DOCK9: variants seen among roughly 807,000 people sequenced by gnomAD.
The protein encoded by DOCK9 is dedicator of cytokinesis 9.
In DOCK9, 89 loss-of-function variants were observed where a neutral mutation model predicts 263.3. The ratio of observed to expected loss-of-function variants is 0.34; its 90% CI spans 0.28 to 0.40. The LOEUF (loss-of-function observed/expected upper bound fraction) is 0.40, where lower values mean the gene tolerates loss of function less well. Among genes scored for constraint, DOCK9 ranks in the 10% least tolerant of loss-of-function variants. DOCK9 has a pLI of 1.00. For missense variants in DOCK9, 2,140 were observed against 2,603.4 expected, an observed-to-expected ratio of 0.82 and a Z score of 3.87; for synonymous variants, 976 against 973.1, an observed-to-expected ratio of 1.00 and a Z score of -0.06.
chr13:98,879,576 C>T (rs762108326), intron 27 of DOCK9, among the ~76,000 whole-genome samples: 14 of 152,136 alleles, frequency 9.2e-5, no homozygotes, highest in Non-Finnish European at 1.5e-4. Context: ...ACATATTTTT[C>T]TTTAGGTTAA....
In DOCK9 at chr13:99,080,796, T is replaced by C. The variant is rs182401793; in HGVS notation, c.129+5427A>G. Reference sequence around the variant, plus strand: ...CCATGGTGTGCCTTAGTACTGTTAGTCACCTTAGAGTAGGTGACTGACCCG... The same window carrying C: ...CCATGGTGTGCCTTAGTACTGTTAGCCACCTTAGAGTAGGTGACTGACCCG... On this transcript the variant is annotated intron_variant, in intron 1 of 32. Transcript: ENST00000427887. Among the ~76,000 whole-genome samples, 583 of 152,330 alleles carry C rather than the reference T, an allele frequency of 3.8e-3. 5 individuals are homozygous for C. Among genetic ancestry groups the C allele is most frequent in the Non-Finnish European group, 4.4e-3 (300 of 68,042 alleles).
chr13:98,928,327 T>G (rs900916002), intron 3 of DOCK9, among the ~76,000 whole-genome samples: 7 of 152,244 alleles, frequency 4.6e-5, no homozygotes, highest in Non-Finnish European at 1.0e-4. Flanking sequence ...TTTTGAAGTT[T>G]TTTTCTGCTT....
chr13:98,984,362 C>T lies in DOCK9; in HGVS notation c.130-28811G>A, dbSNP rs543914015. 3.9e-5 allele frequency among the ~76,000 whole-genome samples: 6 copies of T among 152,324 alleles called. 1 individual carries two copies. In the South Asian group the frequency reaches 1.2e-3, roughly 32 times the overall value. The stretch of plus-strand genomic sequence containing the variant: ...AGTCTACTCATTTGTTGACACAAGT[C>T]AGTAAATGGATCATTTGAAGCCTAA... On this transcript the variant is annotated intron_variant, in intron 1 of 32. Transcript: ENST00000427887.
At chr13:99,012,843 C>T (rs1041470555) in intron 1 of DOCK9, among the ~76,000 whole-genome samples, 1 of 152,144 alleles carries the variant, frequency 6.6e-6, no homozygotes, top group Non-Finnish European at 1.5e-5. Context: ...GAATGGTCAA[C>T]AGGCTCAGAG....
chr13:99,086,729 A>C, upstream of DOCK9: 1 of 145,164 alleles, frequency 6.9e-6, no homozygotes, highest in African/African-American at 2.5e-5. Flanking sequence ...GGGCGCCCGG[A>C]CGGCGGAGGA....
intron 1 of DOCK9, among the ~76,000 whole-genome samples, chr13:98,984,514 A>C (rs1400723096): frequency 3.3e-5 from 5 of 152,342 alleles, no homozygotes; most frequent in African/African-American, 1.2e-4. Flanking sequence ...CACACACACA[A>C]GACTAAAAAA....
intron 11 of DOCK9, 136 bp downstream of exon 11, chr13:98,902,836 C>T (rs997424821): frequency 6.6e-6 from 6 of 914,780 alleles, no homozygotes; most frequent in African/African-American, 5.0e-5. Context: ...GGCTAACAAC[C>T]TCCATATCCT....
At chr13:99,086,164 G>A (rs1182275966) in intron 1 of DOCK9, 1 of 1,423,364 alleles carries the variant, frequency 7.0e-7, no homozygotes, top group Non-Finnish European at 9.1e-7. Flanking sequence ...CCGGCCCGGG[G>A]CCCGCAGCTG....
intron 1 of DOCK9, among the ~76,000 whole-genome samples, chr13:99,068,768 G>T (rs1168185774): frequency 6.6e-6 from 1 of 151,868 alleles, no homozygotes; most frequent in Non-Finnish European, 1.5e-5. Flanking sequence ...AAATAAAAAT[G>T]GCAAAATGAA....
rs76985696 is a variant in DOCK9 at position 98,900,863 on chromosome 13, T to C, written c.1503+915A>G. Among the ~76,000 whole-genome samples the C allele has an allele frequency of 1.2e-3, 178 of 152,318 alleles. 2 individuals carry two copies. The East Asian group carries it at 0.019, about 16-fold the overall frequency. On this transcript the variant is annotated intron_variant, in intron 13 of 52. Coordinates refer to ENST00000682017, the MANE Select transcript of DOCK9 (RefSeq NM_001366683.2). ...CACAGCTGTGATGCATGGGCGCCCA[T>C]AGAGGTGAAGATAGGAAGCTCTGAA...
chr13:99,057,611 G>A (rs2040985462), intron 1 of DOCK9, among the ~76,000 whole-genome samples: 1 of 152,232 alleles, frequency 6.6e-6, no homozygotes, highest in Non-Finnish European at 1.5e-5. Flanking sequence ...CTGATTTGCT[G>A]CTTTAAAAAA....
chr13:98,887,143 A>ATTTTTTTTTTTTTTTT (rs58434344), intron 18 of DOCK9, among the ~76,000 whole-genome samples: 3 of 95,290 alleles, frequency 3.1e-5, no homozygotes, highest in African/African-American at 4.3e-5. Flanking sequence ...ATATATATAT[A>ATTTTTTTTTTTTTTTT]TTTTTTTTTT....
intron 1 of DOCK9, among the ~76,000 whole-genome samples, chr13:99,007,299 A>G (rs973430400): frequency 6.6e-6 from 1 of 151,974 alleles, no homozygotes; most frequent in Non-Finnish European, 1.5e-5. Context: ...GAGGCACAAG[A>G]ATTGCTTGAA....
intron 45 of DOCK9, among the ~76,000 whole-genome samples, chr13:98,819,101 G>A (rs1261867392): frequency 1.3e-5 from 2 of 152,150 alleles, no homozygotes; most frequent in African/African-American, 4.8e-5. Flanking sequence ...AGGTACAGTT[G>A]AGGACCACTT....
intron 1 of DOCK9, among the ~76,000 whole-genome samples, chr13:99,075,522 T>C (rs1234945388): frequency 6.6e-6 from 1 of 151,878 alleles, no homozygotes; most frequent in Admixed American, 6.6e-5. Flanking sequence ...CCCAGCTAAT[T>C]TTTTCTTTCC....
chr13:98,848,497 C>A, intron 37 of DOCK9, 95 bp downstream of exon 37: 2 of 1,358,684 alleles, frequency 1.5e-6, no homozygotes, highest in African/African-American at 2.9e-5. Context: ...TTCCATGAAC[C>A]CCAACTGCCA....
chr13:98,983,465 G>C (rs548133265), intron 1 of DOCK9, among the ~76,000 whole-genome samples: 53 of 152,224 alleles, frequency 3.5e-4, no homozygotes, highest in Middle Eastern at 3.4e-3. Context: ...AGGGAGGAGA[G>C]AAAGCTACAT....
intron 47 of DOCK9, chr13:98,808,700 C>T: frequency 6.6e-7 from 1 of 1,505,150 alleles, no homozygotes; most frequent in Non-Finnish European, 9.2e-7. Context: ...AAGACAATAA[C>T]AGAATAAATT....
chr13:98,823,093 A>C (rs2092364846), intron 45 of DOCK9, among the ~76,000 whole-genome samples: 1 of 151,922 alleles, frequency 6.6e-6, no homozygotes, highest in Non-Finnish European at 1.5e-5. Context: ...ACATATTTTA[A>C]AAATAGCATT....
Sources: gnomAD v4.1 joint callset for allele counts (sites outside exome capture counted in the v4.1 genomes callset) on GRCh38, gnomAD v4.1.1 for gene constraint, MANE v1.5 for transcripts, NCBI Gene and HGNC (gene_info 2026-07-23, HGNC 2026-07-21) for gene names.